LARP1B: variants seen among roughly 807,000 people sequenced by gnomAD.
LARP1B encodes La ribonucleoprotein 1B.
A neutral mutation model predicts 114.2 loss-of-function variants in LARP1B; 76 were observed. That is an observed-to-expected ratio of 0.67 (90% CI 0.55 to 0.81). The LOEUF is 0.81. LARP1B is among the 30% of genes least tolerant of loss of function. The probability of loss-of-function intolerance (pLI) is 0.00; values close to 1 mark genes in which losing one functional copy is unlikely to be tolerated. For missense variants in LARP1B, 1,014 were observed against 1,075.8 expected (o/e 0.94, Z 0.80); for synonymous variants, 345 against 348.0 (o/e 0.99, Z 0.10).
At chr4:128,199,818 G>A (rs1755355507) in intron 16 of LARP1B, among the ~76,000 whole-genome samples, 1 of 152,196 alleles carries the variant, frequency 6.6e-6, no homozygotes, top group Admixed American at 6.5e-5. Flanking sequence ...GAGCATGGTG[G>A]CTCATGCCAG....
intron 11 of LARP1B, among the ~76,000 whole-genome samples, chr4:128,136,289 T>A: frequency 6.7e-6 from 1 of 149,626 alleles, no homozygotes. Flanking sequence ...CTAGACTCCA[T>A]CTTAAAAAAC....
intron 11 of LARP1B, among the ~76,000 whole-genome samples, chr4:128,125,258 A>G (rs1357667939): frequency 6.6e-6 from 1 of 152,224 alleles, no homozygotes; most frequent in Non-Finnish European, 1.5e-5. Flanking sequence ...GGATTCCCAT[A>G]GGATTCCTTT....
chr4:128,111,193 T>C (rs1466884333), intron 9 of LARP1B, among the ~76,000 whole-genome samples: 1 of 151,818 alleles, frequency 6.6e-6, no homozygotes, highest in Non-Finnish European at 1.5e-5. Flanking sequence ...ACTACAGGTG[T>C]GTGCTGCCAC....
chr4:128,147,765 TA>T (rs1288850262), intron 11 of LARP1B, among the ~76,000 whole-genome samples: 1 of 151,814 alleles, frequency 6.6e-6, no homozygotes, highest in East Asian at 1.9e-4. Flanking sequence ...TGGCCAGTAG[TA>T]AAAAAAAGAA....
chr4:128,140,824 GT>G (rs773635049), intron 11 of LARP1B, among the ~76,000 whole-genome samples: 23 of 138,606 alleles, frequency 1.7e-4, no homozygotes, highest in Admixed American at 7.5e-4. Flanking sequence ...AATTGTCTCT[GT>G]TTTTTTTTTT....
At chr4:128,126,567 A>C (rs62334615) in intron 11 of LARP1B, among the ~76,000 whole-genome samples, 25,844 of 152,228 alleles carry the variant, frequency 0.17, 2,794 homozygotes, top group Middle Eastern at 0.3. Context: ...ATTATGATTA[A>C]AATTAAGAAC....
intron 7 of LARP1B, among the ~76,000 whole-genome samples, chr4:128,096,980 C>T (rs912618611): frequency 6.6e-6 from 1 of 151,794 alleles, no homozygotes; most frequent in African/African-American, 2.4e-5. Flanking sequence ...TTCACTGCAA[C>T]CTCTGCCTCC....
chr4:128,172,286 T>C (rs1181707150), intron 12 of LARP1B, among the ~76,000 whole-genome samples: 1 of 152,228 alleles, frequency 6.6e-6, no homozygotes, highest in African/African-American at 2.4e-5. Context: ...TTTGGTGTAC[T>C]TTTCATGTTT....
rs1222212318 is a variant in LARP1B, at chr4:128,098,249, A to G, written c.732A>G (p.Glu244=). The G allele has an allele frequency of 6.2e-7, 1 of 1,613,810 alleles. No homozygotes were observed. The highest frequency in any genetic ancestry group is 2.2e-5 in the East Asian group (1 of 44,868). The change falls in exon 8 of 20, where the codon GAA becomes GAG. Residue 244 remains glutamate (E), a synonymous_variant. Transcript: ENST00000326639. The part of the protein sequence containing the change: ...RDFFLRGKMD[E]QGFLPISLIA... ...TCTTTCTTCGGGGAAAGATGGATGA[A>G]CAAGGTTTCTTGCCTATTTCCCTGA... is the stretch of plus-strand genomic sequence containing the variant.
At chr4:128,115,343 G>A (rs972282058) in intron 10 of LARP1B, among the ~76,000 whole-genome samples, 1 of 152,188 alleles carries the variant, frequency 6.6e-6, no homozygotes, top group African/African-American at 2.4e-5. Flanking sequence ...CAGGAAGATT[G>A]CTTGAGCGCA....
chr4:128,095,700 T>G (rs1457955124), intron 7 of LARP1B, among the ~76,000 whole-genome samples: 1 of 151,698 alleles, frequency 6.6e-6, no homozygotes, highest in Non-Finnish European at 1.5e-5. Context: ...AAGTTTCCAG[T>G]TATAGATGCC....
chr4:128,097,921 CTTTATA>C (rs1378332688), intron 7 of LARP1B, among the ~76,000 whole-genome samples: 1 of 151,828 alleles, frequency 6.6e-6, no homozygotes, highest in Admixed American at 6.6e-5. Context: ...CAGCTTAATT[CTTTATA>C]TTTAGTGAAA....
At chr4:128,091,599 A>ATTT (rs369786648) in intron 7 of LARP1B, 87 bp downstream of exon 7, 100 of 843,102 alleles carry the variant, frequency 1.2e-4, no homozygotes, top group Non-Finnish European at 1.5e-4. Context: ...ATATGCTATA[A>ATTT]TTTTTTTTTT....
At chr4:128,093,455 G>A (rs1268918318) in intron 7 of LARP1B, among the ~76,000 whole-genome samples, 1 of 151,928 alleles carries the variant, frequency 6.6e-6, no homozygotes, top group East Asian at 2.0e-4. Flanking sequence ...AATTAGCCGG[G>A]CGCGGTGGCG....
intron 9 of LARP1B, among the ~76,000 whole-genome samples, chr4:128,112,335 AT>A (rs34444504): frequency 6.7e-5 from 10 of 149,678 alleles, no homozygotes; most frequent in Admixed American, 6.7e-5. Context: ...TAATGGCACT[AT>A]TTTTTTTTAG....
rs1056441576 is a variant in LARP1B, at chr4:128,092,700, G to A, written c.668+1188G>A. ...CATCATCAGCCAGGCACCTTCCTGG[G>A]TTGCCTTCATGGTGGATCCAATTTG... On this transcript the variant is annotated intron_variant, in intron 7 of 19. Transcript: ENST00000326639. The A allele has an allele frequency of 3.3e-6, 3 of 899,744 alleles. No homozygotes were observed. In the African/African-American group the frequency reaches 5.4e-5, roughly 16 times the overall value. The allele number at this position is 899,744 out of a possible 1,614,324, so 55.7% of individuals were successfully genotyped here.
At chr4:128,158,015 A>G (rs1369865937) in intron 11 of LARP1B, among the ~76,000 whole-genome samples, 1 of 152,192 alleles carries the variant, frequency 6.6e-6, no homozygotes, top group South Asian at 2.1e-4. Context: ...ACGCTGGTGT[A>G]ACTCTATTTA....
intron 11 of LARP1B, among the ~76,000 whole-genome samples, chr4:128,124,182 A>C (rs1157424581): frequency 6.6e-6 from 1 of 152,208 alleles, no homozygotes; most frequent in Non-Finnish European, 1.5e-5. Flanking sequence ...GGGTTTCTAC[A>C]TGCCTAGAAC....
intron 9 of LARP1B, chr4:128,107,641 T>C (rs1452201653): frequency 2.8e-6 from 4 of 1,416,512 alleles, no homozygotes; most frequent in South Asian, 3.3e-5. Flanking sequence ...AATAGTATGA[T>C]TGGATTATTC....
Sources: gnomAD v4.1 joint callset for allele counts (sites outside exome capture counted in the v4.1 genomes callset) on GRCh38, gnomAD v4.1.1 for gene constraint, MANE v1.5 for transcripts, NCBI Gene and HGNC (gene_info 2026-07-23, HGNC 2026-07-21) for gene names.